The following CCZ1 variants were observed in gnomAD, a reference collection of about 807,000 sequenced individuals.
The protein encoded by CCZ1 is CCZ1 vacuolar protein trafficking and biogenesis associated, also known as vacuolar fusion protein CCZ1 homolog.
CCZ1 carries 19 observed loss-of-function variants against 57.8 expected under a neutral mutation model. That is an observed-to-expected ratio of 0.33 (90% CI 0.23 to 0.48). CCZ1 has a LOEUF of 0.48. Among genes scored for constraint, CCZ1 ranks in the 20% least tolerant of loss-of-function variants. CCZ1 has a pLI of 0.99. For missense variants in CCZ1, 200 were observed against 492.0 expected, an observed-to-expected ratio of 0.41 and a Z score of 5.61; for synonymous variants, 81 against 167.0, an observed-to-expected ratio of 0.49 and a Z score of 3.97.
chr7:5,900,167 T>C (rs1781649944), intron 1 of CCZ1, 117 bp from the exon 2 acceptor site: 1 of 1,367,972 alleles, frequency 7.3e-7, no homozygotes, highest in South Asian at 1.5e-5. Context: ...AACCGGTTTT[T>C]GTTTTGTTTT....
intron 6 of CCZ1, 38 bp from the exon 7 acceptor site, chr7:5,905,056 C>G (rs62453583): frequency 5.1e-6 from 8 of 1,577,098 alleles, no homozygotes; most frequent in Non-Finnish European, 6.9e-6. Context: ...ATTCAGTGTA[C>G]TATTAGTAAA....
chr7:5,912,437 G>C lies in CCZ1; in HGVS notation c.843-406G>C, dbSNP rs544185804. On this transcript the variant is annotated intron_variant, in intron 9 of 14. Coordinates refer to ENST00000325974, the MANE Select transcript of CCZ1 (RefSeq NM_015622.6). ...AGATGGAGTGTCTCTCTGTCGCTCA[G>C]GCTGGAGTGTGGAGTACAGTGGCAC... Among the ~76,000 whole-genome samples the C allele has an allele frequency of 1.4e-3, 152 of 108,244 alleles. 1 individual carries two copies. Among genetic ancestry groups the C allele is most frequent in the Non-Finnish European group, 2.1e-3 (126 of 58,628 alleles). The allele number at this position is 108,244 out of a possible 152,430, so 71.0% of individuals were successfully genotyped here.
chr7:5,899,692 A>G (rs1205981014), intron 1 of CCZ1, among the ~76,000 whole-genome samples: 1 of 148,932 alleles, frequency 6.7e-6, no homozygotes, highest in Non-Finnish European at 1.5e-5. Context: ...GCTTGAGCCC[A>G]AGTGATTGAG....
At position 5,920,960 on chromosome 7, in the gene CCZ1, T is replaced by G. The variant is rs1272494323; in HGVS notation, c.1106+994T>G. Among the ~76,000 whole-genome samples, 4 of 114,946 alleles carry G rather than the reference T, an allele frequency of 3.5e-5. 1 individual carries two copies. The highest frequency in any genetic ancestry group is 1.4e-4 in the African/African-American group (4 of 28,654). The allele number at this position is 114,946 out of a possible 152,430, so 75.4% of individuals were successfully genotyped here. ...ATACGTTGTTTTTTGGGTTTTTTTT[T>G]TTTTTTTTTTTAAGACAGAGTCTCA... On this transcript the variant is annotated intron_variant, in intron 12 of 14. Transcript: ENST00000325974.
At chr7:5,905,040 C>T (rs1781770574) in intron 6 of CCZ1, 54 bp from the exon 7 acceptor site, 3 of 1,427,148 alleles carry the variant, frequency 2.1e-6, no homozygotes, top group Non-Finnish European at 2.9e-6. Flanking sequence ...TATCAAGGAG[C>T]ATTATATTCA....
chr7:5,908,768 CTG>C (rs1279688126), intron 7 of CCZ1, among the ~76,000 whole-genome samples: 1 of 143,690 alleles, frequency 7.0e-6, no homozygotes, highest in Non-Finnish European at 1.5e-5. Context: ...GTTCCAGAGT[CTG>C]ATACCTGCTA....
intron 7 of CCZ1, among the ~76,000 whole-genome samples, chr7:5,906,319 C>G (rs866571849): frequency 9.0e-6 from 1 of 111,460 alleles, no homozygotes; most frequent in Non-Finnish European, 1.7e-5. Context: ...CACTTTCTTT[C>G]TTTCTTTTTT....
At chr7:5,914,019 A>G (rs1779103787) in intron 10 of CCZ1, among the ~76,000 whole-genome samples, 1 of 143,776 alleles carries the variant, frequency 7.0e-6, no homozygotes, top group Non-Finnish European at 1.5e-5. Flanking sequence ...ATCTCTGGTC[A>G]GCCTTCTGGT....
At chr7:5,912,376 C>CTTTTTTTTTTT (rs1779057480) in intron 9 of CCZ1, among the ~76,000 whole-genome samples, 1 of 99,850 alleles carries the variant, frequency 1.0e-5, no homozygotes, top group Non-Finnish European at 1.9e-5. Flanking sequence ...TTCAGCATAC[C>CTTTTTTTTTTT]CTTTTTTTTT....
At chr7:5,913,987 C>G (rs1400754342) in intron 10 of CCZ1, among the ~76,000 whole-genome samples, 3 of 138,974 alleles carry the variant, frequency 2.2e-5, no homozygotes, top group Non-Finnish European at 3.2e-5. Flanking sequence ...GACCTTCATC[C>G]TACACTCAGA....
At chr7:5,900,752 C>G in intron 3 of CCZ1, 103 bp from the exon 4 acceptor site, 3 of 1,577,366 alleles carry the variant, frequency 1.9e-6, no homozygotes, top group Non-Finnish European at 2.6e-6. Flanking sequence ...TTTTAAGAAG[C>G]TATGTTTCTG....
intron 7 of CCZ1, among the ~76,000 whole-genome samples, chr7:5,907,362 G>A (rs1338918632): frequency 6.7e-6 from 1 of 149,420 alleles, no homozygotes; most frequent in Non-Finnish European, 1.5e-5. Context: ...ATGACAGGAC[G>A]TGCTTGCAAG....
rs566730939 is a variant in CCZ1, at chr7:5,900,196, A to C, written c.121-88A>C. 1.0e-5 allele frequency: 14 copies of C among 1,406,008 alleles called. No homozygotes were observed. The East Asian group carries it at 3.2e-4, about 32-fold the overall frequency. 87.1% of individuals were successfully genotyped at this position (1,406,008 alleles called of 1,614,324 possible). A position where few individuals can be genotyped will look rare whatever the true frequency, so the allele number is the denominator to read the frequency against. ...TTGTTTTGTCATTAGCATGTGTGACACAAGAGGTCGACATTGAACTTAGCG... is the reference window on the plus strand; with the variant it reads ...TTGTTTTGTCATTAGCATGTGTGACCCAAGAGGTCGACATTGAACTTAGCG... On this transcript the variant is annotated intron_variant, in intron 1 of 14. Coordinates refer to ENST00000325974, the MANE Select transcript of CCZ1 (RefSeq NM_015622.6).
chr7:5,907,740 T>C (rs1232562006), intron 7 of CCZ1, among the ~76,000 whole-genome samples: 9 of 138,176 alleles, frequency 6.5e-5, no homozygotes, highest in Non-Finnish European at 9.2e-5. Flanking sequence ...CACAGAACTG[T>C]TCTGTTGTCA....
chr7:5,915,113 C>T (rs1312482333), intron 10 of CCZ1, among the ~76,000 whole-genome samples: 2,444 of 146,338 alleles, frequency 0.017, 1 homozygote, highest in African/African-American at 0.043. Context: ...TCCGTGACAG[C>T]AGGAGGAGGG....
chr7:5,904,997 T>G, intron 6 of CCZ1, 97 bp from the exon 7 acceptor site: 6 of 1,205,258 alleles, frequency 5.0e-6, no homozygotes, highest in Non-Finnish European at 6.9e-6. Context: ...AATTGTACCA[T>G]AAATGTGAGT....
In CCZ1 at chr7:5,925,868, GAATT is replaced by G. The variant is rs550547250; in HGVS notation, c.*188_*191del. ...TTTTTAGATTTTAAATATTTATGTG[GAATT>G]AATTAAAGGTAGTTGGCTATATCGC... On this transcript the variant is annotated 3_prime_UTR_variant, in exon 15 of 15. Coordinates refer to ENST00000325974, the MANE Select transcript of CCZ1 (RefSeq NM_015622.6). 2,964 of 768,926 alleles carry G rather than the reference GAATT, an allele frequency of 3.9e-3. 5 individuals are homozygous for G. The African/African-American group carries it at 0.046, about 12-fold the overall frequency. 47.6% of individuals were successfully genotyped at this position (768,926 alleles called of 1,614,324 possible).
chr7:5,903,292 T>C (rs1045896875), intron 6 of CCZ1, among the ~76,000 whole-genome samples: 6 of 144,142 alleles, frequency 4.2e-5, no homozygotes, highest in Non-Finnish European at 7.5e-5. Flanking sequence ...AGTTTATCTT[T>C]TTTTTAAAAG....
chr7:5,908,080 C>T (rs1781877485), intron 7 of CCZ1, among the ~76,000 whole-genome samples: 2 of 141,372 alleles, frequency 1.4e-5, no homozygotes, highest in South Asian at 2.4e-4. Context: ...TGTACTCCAG[C>T]CTGGGTGACA....
Sources: allele counts gnomAD v4.1 joint callset (sites outside exome capture counted in the v4.1 genomes callset), GRCh38; gene constraint gnomAD v4.1.1; transcripts MANE v1.5; gene names NCBI Gene and HGNC (gene_info 2026-07-23, HGNC 2026-07-21).